ITGA11: variants seen among roughly 807,000 people sequenced by gnomAD.
ITGA11 encodes the protein integrin subunit alpha 11, also known as integrin alpha-11.
Under a neutral mutation model 141.9 loss-of-function variants are expected in ITGA11, and 97 were observed. The ratio of observed to expected loss-of-function variants is 0.68; its 90% CI spans 0.58 to 0.81. The LOEUF (loss-of-function observed/expected upper bound fraction) is 0.81. Ranked by LOEUF, ITGA11 falls within the 30% of genes least tolerant of loss-of-function variation. The probability of loss-of-function intolerance (pLI) is 0.00; values close to 1 mark genes in which losing one functional copy is unlikely to be tolerated. For missense variants in ITGA11, 1,387 were observed against 1,559.2 expected (o/e 0.89, Z 1.86); for synonymous variants, 658 against 624.6 (o/e 1.05, Z -0.80).
At chr15:68,426,180 TC>T (rs1380842707) in intron 1 of ITGA11, among the ~76,000 whole-genome samples, 1 of 152,208 alleles carries the variant, frequency 6.6e-6, no homozygotes, top group Non-Finnish European at 1.5e-5. Context: ...AGCCCTTTAT[TC>T]CTTGGGCTCA....
chr15:68,408,044 C>T (rs1896688541), intron 1 of ITGA11, among the ~76,000 whole-genome samples: 1 of 152,260 alleles, frequency 6.6e-6, no homozygotes, highest in African/African-American at 2.4e-5. Context: ...CCAAAATGTT[C>T]CATGTGGCCC....
chr15:68,423,409 A>G (rs2140439219), intron 1 of ITGA11, among the ~76,000 whole-genome samples: 1 of 152,288 alleles, frequency 6.6e-6, no homozygotes, highest in East Asian at 1.9e-4. Context: ...GTAGAATCAG[A>G]CATAGGCAAC....
chr15:68,397,982 C>G (rs199719046), intron 2 of ITGA11, among the ~76,000 whole-genome samples: 1 of 149,612 alleles, frequency 6.7e-6, no homozygotes, highest in Admixed American at 6.7e-5. Context: ...CAGGCCTGCC[C>G]TAAAAGAGCT....
intron 19 of ITGA11, among the ~76,000 whole-genome samples, chr15:68,320,604 C>A (rs1893771533): frequency 6.6e-6 from 1 of 152,200 alleles, no homozygotes; most frequent in South Asian, 2.1e-4. Context: ...CCCTTGGTGT[C>A]CCCACCATAG....
Position 68,328,051 on chromosome 15 carries a change from GAGACT to G in ITGA11, c.2068+40_2068+44del. ...TTTGAAATAGAGCAAGGTGCAGGGGGAGACTGGAGTCTGGGGGTGGGGAGAAAGGA... is the reference window on the plus strand; with the variant it reads ...TTTGAAATAGAGCAAGGTGCAGGGGGGGAGTCTGGGGGTGGGGAGAAAGGA... On this transcript the variant is annotated intron_variant, in intron 16 of 29. Coordinates refer to ENST00000315757, the MANE Select transcript of ITGA11 (RefSeq NM_001004439.2). The surrounding 1 kb of genome is among the most constrained non-coding windows in gnomAD (Gnocchi z 4.8). 6.4e-7 allele frequency: 1 copy of G among 1,567,232 alleles called. No homozygotes were observed. The highest frequency in any genetic ancestry group is 1.2e-5 in the South Asian group (1 of 84,454).
chr15:68,312,918 A>T, intron 23 of ITGA11, 55 bp from the exon 24 acceptor site: 1 of 1,296,184 alleles, frequency 7.7e-7, no homozygotes, highest in Non-Finnish European at 1.1e-6. Context: ...GGCTGGATGG[A>T]CAGATGAATG....
At position 68,351,480 on chromosome 15, in the gene ITGA11, A is replaced by G. The variant is rs1894911380; in HGVS notation, c.750-78T>C. The G allele has an allele frequency of 2.6e-5, 39 of 1,504,970 alleles. No homozygotes were observed. The South Asian group carries it at 4.5e-4, about 17-fold the overall frequency. 93.2% of individuals were successfully genotyped at this position (1,504,970 alleles called of 1,614,324 possible). A position where few individuals can be genotyped will look rare whatever the true frequency, so the allele number is the denominator to read the frequency against. On this transcript the variant is annotated intron_variant, in intron 7 of 29. Coordinates refer to ENST00000315757, the MANE Select transcript of ITGA11 (RefSeq NM_001004439.2). The stretch of plus-strand genomic sequence containing the variant: ...GCCCCTGACGCTCCTGCAGAGGGGC[A>G]GCCACAGAAACCAGGACCAAGTCCT...
intron 1 of ITGA11, among the ~76,000 whole-genome samples, chr15:68,405,919 C>T (rs1027374179): frequency 2.0e-5 from 3 of 152,312 alleles, no homozygotes; most frequent in Admixed American, 1.3e-4. Context: ...CGTGCACACA[C>T]ACACAGACAC....
chr15:68,323,454 TG>T (rs1893872771), intron 18 of ITGA11, among the ~76,000 whole-genome samples: 1 of 152,214 alleles, frequency 6.6e-6, no homozygotes. Flanking sequence ...CTCAATAATA[TG>T]GGATGGCTCA....
Position 68,302,758 on chromosome 15 carries a change from A to G in ITGA11, c.*301T>C, listed in dbSNP as rs1893072533. 1 of 345,396 alleles carries G rather than the reference A, an allele frequency of 2.9e-6. No individual in the cohort carries two copies. Among genetic ancestry groups the G allele is most frequent in the African/African-American group, 2.1e-5 (1 of 47,010 alleles). The allele number at this position is 345,396 out of a possible 1,614,324, so 21.4% of individuals were successfully genotyped here. ...TAGCACCTTAGTAGCTGGGGCAGCA[A>G]ATGCCCTCCACAGAGCCTGAGGGAG... On this transcript the variant is annotated 3_prime_UTR_variant, in exon 30 of 30. Transcript: ENST00000315757.
At chr15:68,404,644 G>A (rs1896597657) in intron 1 of ITGA11, among the ~76,000 whole-genome samples, 1 of 152,082 alleles carries the variant, frequency 6.6e-6, no homozygotes, top group Non-Finnish European at 1.5e-5. Context: ...GGATTGTCCA[G>A]GGCTGCACAG....
chr15:68,374,541 C>T lies in ITGA11; in HGVS notation c.165-5257G>A, dbSNP rs565369040. ...TCCTAGGGTGGTGCTTCCCCCAAGCCATGGAGGGCAGAAAGCCTAGAGGCA... is the reference window on the plus strand; with the variant it reads ...TCCTAGGGTGGTGCTTCCCCCAAGCTATGGAGGGCAGAAAGCCTAGAGGCA... On this transcript the variant is annotated intron_variant, in intron 2 of 29. Transcript: ENST00000315757. 9.2e-5 allele frequency among the ~76,000 whole-genome samples: 14 copies of T among 152,316 alleles called. No individual in the cohort carries two copies. The South Asian group carries it at 2.9e-3, about 32-fold the overall frequency.
In ITGA11 at chr15:68,325,701, G is replaced by A. The variant is rs1269494566; in HGVS notation, c.2212-460C>T. On this transcript the variant is annotated intron_variant, in intron 17 of 29. Coordinates refer to ENST00000315757, the MANE Select transcript of ITGA11 (RefSeq NM_001004439.2). The surrounding 1 kb of genome is among the most constrained non-coding windows in gnomAD (Gnocchi z 5.5). ...AGCCTCCCAGCATGGCCCTAGCACT[G>A]TGATAAGGGCTTCAGCATGTGGAAT... Among the ~76,000 whole-genome samples, 1 of 152,232 alleles carries A rather than the reference G, an allele frequency of 6.6e-6. No homozygotes were observed. The highest frequency in any genetic ancestry group is 1.9e-4 in the East Asian group (1 of 5,198).
intron 21 of ITGA11, among the ~76,000 whole-genome samples, chr15:68,316,946 G>C (rs1297144610): frequency 6.6e-6 from 1 of 152,188 alleles, no homozygotes; most frequent in East Asian, 1.9e-4. Flanking sequence ...ACACAGCACA[G>C]TGGCAGAGGC....
intron 1 of ITGA11, among the ~76,000 whole-genome samples, chr15:68,429,601 C>T (rs754823819): frequency 1.3e-5 from 2 of 152,176 alleles, no homozygotes; most frequent in Non-Finnish European, 2.9e-5. Flanking sequence ...GCCAAACTGC[C>T]ATCACCAGTA....
chr15:68,326,878 C>CA lies in ITGA11; in HGVS notation c.2069-83dup. ...TGTCTGCCTCCTCCAGGAAGCCCCC[C>CA]AGGCTGGCCAGGGGAGAGCTGTTCC... On this transcript the variant is annotated intron_variant, in intron 16 of 29. Transcript: ENST00000315757. The surrounding 1 kb of genome is among the most constrained non-coding windows in gnomAD (Gnocchi z 6.8). 6.9e-7 allele frequency: 1 copy of CA among 1,453,016 alleles called. No homozygotes were observed. Among genetic ancestry groups the CA allele is most frequent in the Non-Finnish European group, 9.2e-7 (1 of 1,081,088 alleles). 90.0% of individuals were successfully genotyped at this position (1,453,016 alleles called of 1,614,324 possible).
chr15:68,382,323 C>A (rs1185976496), intron 2 of ITGA11, among the ~76,000 whole-genome samples: 5 of 152,298 alleles, frequency 3.3e-5, no homozygotes, highest in African/African-American at 1.2e-4. Flanking sequence ...GTGAGCCATC[C>A]CGGAGCTGGG....
At chr15:68,390,036 G>A (rs1896078151) in intron 2 of ITGA11, among the ~76,000 whole-genome samples, 1 of 152,180 alleles carries the variant, frequency 6.6e-6, no homozygotes, top group African/African-American at 2.4e-5. Context: ...ATACACAAGG[G>A]CTTAAAAAGC....
At chr15:68,428,987 A>G (rs1897208696) in intron 1 of ITGA11, among the ~76,000 whole-genome samples, 1 of 152,150 alleles carries the variant, frequency 6.6e-6, no homozygotes. Context: ...TGATTCTTCA[A>G]TGTACTTCCT....
Sources: gnomAD v4.1 joint callset for allele counts (sites outside exome capture counted in the v4.1 genomes callset) on GRCh38, gnomAD v4.1.1 for gene constraint, Gnocchi (gnomAD v3.1) non-coding constraint, MANE v1.5 for transcripts, NCBI Gene and HGNC (gene_info 2026-07-23, HGNC 2026-07-21) for gene names.